The following PRKG2 variants were observed in gnomAD, a reference collection of about 807,000 sequenced individuals.
The protein encoded by PRKG2 is protein kinase cGMP-dependent 2, also known as cGMP-dependent protein kinase 2.
A neutral mutation model predicts 97.2 loss-of-function variants in PRKG2; 33 were observed. The observed-to-expected ratio is 0.34, with a 90% confidence interval of 0.26 to 0.45. The LOEUF (loss-of-function observed/expected upper bound fraction) is 0.45, where lower values mean the gene tolerates loss of function less well. PRKG2 is among the 20% of genes least tolerant of loss of function. The probability of loss-of-function intolerance (pLI) is 1.00; values close to 1 mark genes in which losing one functional copy is unlikely to be tolerated. For missense variants in PRKG2, 638 were observed against 900.0 expected (o/e 0.71, Z 3.73); for synonymous variants, 330 against 321.8 (o/e 1.03, Z -0.27).
At chr4:81,198,039 C>T (rs1488344402) in intron 2 of PRKG2, among the ~76,000 whole-genome samples, 4 of 152,154 alleles carry the variant, frequency 2.6e-5, no homozygotes, top group African/African-American at 4.8e-5. Flanking sequence ...GCCCACAAGG[C>T]GAGGGTAGGC....
At chr4:81,187,339 G>A (rs1037721605) in intron 2 of PRKG2, among the ~76,000 whole-genome samples, 3 of 152,110 alleles carry the variant, frequency 2.0e-5, no homozygotes, top group Non-Finnish European at 1.5e-5. Flanking sequence ...ATCAAAAAAT[G>A]TAATCCATCA....
chr4:81,099,327 A>G (rs1742462013), intron 17 of PRKG2, among the ~76,000 whole-genome samples: 1 of 152,186 alleles, frequency 6.6e-6, no homozygotes, highest in Non-Finnish European at 1.5e-5. Flanking sequence ...AATACTGGCA[A>G]ACCGAATCCA....
chr4:81,198,003 G>C (rs2110121706), intron 2 of PRKG2, among the ~76,000 whole-genome samples: 1 of 152,300 alleles, frequency 6.6e-6, no homozygotes, highest in East Asian at 1.9e-4. Flanking sequence ...TGTAAAAATA[G>C]CATTGTGCAT....
At chr4:81,092,032 CT>C (rs1048287995) in intron 18 of PRKG2, among the ~76,000 whole-genome samples, 14 of 151,590 alleles carry the variant, frequency 9.2e-5, no homozygotes, top group East Asian at 3.9e-4. Flanking sequence ...TTATTTTCAC[CT>C]TTTTTTTCAC....
intron 1 of PRKG2, among the ~76,000 whole-genome samples, chr4:81,208,411 AAG>A (rs1753793834): frequency 6.6e-6 from 1 of 152,102 alleles, no homozygotes; most frequent in Non-Finnish European, 1.5e-5. Flanking sequence ...TGTCTTCCAC[AAG>A]AGTCTTTTGT....
At chr4:81,165,663 T>C (rs1167913767) in intron 6 of PRKG2, among the ~76,000 whole-genome samples, 1 of 152,226 alleles carries the variant, frequency 6.6e-6, no homozygotes, top group African/African-American at 2.4e-5. Flanking sequence ...ACTGTGCTGC[T>C]GTCTGCAAAT....
intron 2 of PRKG2, among the ~76,000 whole-genome samples, chr4:81,197,006 T>C (rs1318540115): frequency 6.6e-6 from 1 of 152,210 alleles, no homozygotes; most frequent in Non-Finnish European, 1.5e-5. Context: ...GTTCCCCTTC[T>C]TGAGAATTGT....
At chr4:81,133,726 T>C (rs1031293260) in intron 14 of PRKG2, among the ~76,000 whole-genome samples, 1 of 152,202 alleles carries the variant, frequency 6.6e-6, no homozygotes, top group African/African-American at 2.4e-5. Context: ...TTTAGCTGAT[T>C]GGCAAATGAA....
intron 1 of PRKG2, among the ~76,000 whole-genome samples, chr4:81,211,215 G>A (rs1297943944): frequency 6.6e-6 from 1 of 152,116 alleles, no homozygotes; most frequent in African/African-American, 2.4e-5. Context: ...ATCAATATTT[G>A]TTCCATCACT....
At chr4:81,149,177 C>T (rs991008530) in intron 8 of PRKG2, among the ~76,000 whole-genome samples, 11 of 152,180 alleles carry the variant, frequency 7.2e-5, no homozygotes, top group African/African-American at 2.2e-4. Context: ...AAGATAATTG[C>T]ACTGGGAACA....
chr4:81,100,368 G>T (rs138450563), intron 17 of PRKG2, among the ~76,000 whole-genome samples: 1 of 151,854 alleles, frequency 6.6e-6, no homozygotes. Flanking sequence ...AAACAGAGAT[G>T]CAGACCAATG....
chr4:81,110,676 C>G, intron 14 of PRKG2, 65 bp from the exon 15 acceptor site: 1 of 1,566,218 alleles, frequency 6.4e-7, no homozygotes, highest in East Asian at 2.3e-5. Flanking sequence ...TTAAGCCTCC[C>G]TCTTACCTCT....
At chr4:81,174,580 T>TGATATATAGAAATTA (rs1016951249) in intron 3 of PRKG2, among the ~76,000 whole-genome samples, 1 of 152,064 alleles carries the variant, frequency 6.6e-6, no homozygotes, top group Non-Finnish European at 1.5e-5. Flanking sequence ...ATAGGATGCC[T>TGATATATAGAAATTA]GATATATAGA....
intron 17 of PRKG2, among the ~76,000 whole-genome samples, chr4:81,093,501 C>A (rs369687123): frequency 1.3e-5 from 2 of 152,188 alleles, no homozygotes; most frequent in African/African-American, 4.8e-5. Context: ...TACTTTCTAT[C>A]TCCCCACTAG....
intron 1 of PRKG2, among the ~76,000 whole-genome samples, chr4:81,211,104 T>C (rs766239241): frequency 6.6e-5 from 10 of 152,136 alleles, no homozygotes; most frequent in Non-Finnish European, 1.2e-4. Context: ...TTCAATATGA[T>C]ACTGTAATGA....
intron 2 of PRKG2, among the ~76,000 whole-genome samples, chr4:81,181,696 T>G (rs1248243462): frequency 7.1e-6 from 1 of 141,584 alleles, no homozygotes; most frequent in Non-Finnish European, 1.5e-5. Flanking sequence ...GACATCACTA[T>G]GGATATTACA....
chr4:81,162,063 T>G (rs11722020), intron 6 of PRKG2, among the ~76,000 whole-genome samples: 2 of 151,986 alleles, frequency 1.3e-5, no homozygotes, highest in Non-Finnish European at 2.9e-5. Context: ...AGAAGGAGGA[T>G]GATAATGATT....
At chr4:81,160,033 G>T (rs569265046) in intron 6 of PRKG2, among the ~76,000 whole-genome samples, 9 of 151,590 alleles carry the variant, frequency 5.9e-5, no homozygotes, top group African/African-American at 2.2e-4. Flanking sequence ...TGGGTGCAGC[G>T]CACCAGCATG....
At chr4:81,115,633 G>C (rs1744438638) in intron 14 of PRKG2, among the ~76,000 whole-genome samples, 1 of 152,180 alleles carries the variant, frequency 6.6e-6, no homozygotes, top group Non-Finnish European at 1.5e-5. Context: ...CAGAAAGAGT[G>C]CATAAAGATC....
Sources: allele counts gnomAD v4.1 joint callset (sites outside exome capture counted in the v4.1 genomes callset), GRCh38; gene constraint gnomAD v4.1.1; transcripts MANE v1.5; gene names NCBI Gene and HGNC (gene_info 2026-07-23, HGNC 2026-07-21).